Variants in DSCAM observed in about 807,000 individuals in gnomAD.
The protein encoded by DSCAM is DS cell adhesion molecule, also known as cell adhesion molecule DSCAM.
In DSCAM, 47 loss-of-function variants were observed where a neutral mutation model predicts 217.7. That is an observed-to-expected ratio of 0.22 (90% CI 0.17 to 0.28). DSCAM has a LOEUF of 0.28. DSCAM is among the 10% of genes least tolerant of loss of function. The pLI is 1.00. For synonymous variants in DSCAM, 1,056 were observed against 1,015.3 expected, an observed-to-expected ratio of 1.04 and a Z score of -0.76; for missense variants, 2,080 against 2,618.3, an observed-to-expected ratio of 0.79 and a Z score of 4.49.
intron 1 of DSCAM, among the ~76,000 whole-genome samples, chr21:40,736,370 C>T (rs991715925): frequency 6.6e-6 from 1 of 152,122 alleles, no homozygotes; most frequent in Non-Finnish European, 1.5e-5. Flanking sequence ...TCTTCTCTCT[C>T]CAAAAGTCAG....
chr21:40,498,041 G>T (rs1475402938), intron 3 of DSCAM, among the ~76,000 whole-genome samples: 3 of 152,120 alleles, frequency 2.0e-5, no homozygotes, highest in Non-Finnish European at 2.9e-5. Flanking sequence ...ATGGATTTTG[G>T]CATTAGATCT....
At chr21:40,168,773 A>C (rs1380505448) in intron 15 of DSCAM, among the ~76,000 whole-genome samples, 3 of 152,154 alleles carry the variant, frequency 2.0e-5, no homozygotes, top group Admixed American at 6.5e-5. Flanking sequence ...GGAAGTTCTG[A>C]GTAGTAGCAT....
intron 1 of DSCAM, among the ~76,000 whole-genome samples, chr21:40,806,584 GA>G (rs1225338408): frequency 2.6e-5 from 4 of 152,168 alleles, no homozygotes; most frequent in African/African-American, 9.7e-5. Flanking sequence ...AAAAAATTGT[GA>G]ATGCTACAAT....
chr21:40,544,268 C>T (rs1014365703), intron 3 of DSCAM, among the ~76,000 whole-genome samples: 2 of 152,170 alleles, frequency 1.3e-5, no homozygotes, highest in Non-Finnish European at 2.9e-5. Context: ...ATGCAAATCA[C>T]TTGGAAGAGT....
intron 32 of DSCAM, among the ~76,000 whole-genome samples, chr21:40,029,060 A>C (rs2088463949): frequency 6.6e-6 from 1 of 152,194 alleles, no homozygotes; most frequent in Non-Finnish European, 1.5e-5. Context: ...GACTATTCCC[A>C]TCTCTACAAA....
intron 3 of DSCAM, among the ~76,000 whole-genome samples, chr21:40,429,100 T>C (rs1280836672): frequency 6.6e-6 from 1 of 152,166 alleles, no homozygotes; most frequent in Non-Finnish European, 1.5e-5. Flanking sequence ...CTTAAAGTTG[T>C]ATCCAAATTT....
At chr21:40,135,787 G>A (rs1258955235) in intron 18 of DSCAM, among the ~76,000 whole-genome samples, 4 of 152,170 alleles carry the variant, frequency 2.6e-5, no homozygotes. Flanking sequence ...AACATCTTTT[G>A]TTCATCTTTT....
At chr21:40,403,938 C>T (rs541442512) in intron 3 of DSCAM, among the ~76,000 whole-genome samples, 3 of 152,152 alleles carry the variant, frequency 2.0e-5, no homozygotes, top group African/African-American at 7.2e-5. Flanking sequence ...AATCATTCAT[C>T]ATCATCATGA....
chr21:40,221,248 GCCA>G (rs1488199544), intron 11 of DSCAM, among the ~76,000 whole-genome samples: 1 of 151,842 alleles, frequency 6.6e-6, no homozygotes, highest in African/African-American at 2.4e-5. Context: ...TCCCACCCAT[GCCA>G]CCACCACACT....
chr21:40,409,098 T>G lies in DSCAM; in HGVS notation c.509-39853A>C, dbSNP rs926337645. ...AAAGAATAATTTAAATACCTAAGGG[T>G]GTATTTTCAAAACTGCTCCCAAATA... is the stretch of plus-strand genomic sequence containing the variant. On this transcript the variant is annotated intron_variant, in intron 3 of 32. Transcript: ENST00000400454. 3.3e-5 allele frequency among the ~76,000 whole-genome samples: 5 copies of G among 152,238 alleles called. No individual in the cohort carries two copies. The South Asian group carries it at 1.0e-3, about 32-fold the overall frequency.
chr21:40,687,135 A>G (rs547632685), intron 3 of DSCAM, among the ~76,000 whole-genome samples: 11 of 152,298 alleles, frequency 7.2e-5, no homozygotes, highest in African/African-American at 2.6e-4. Flanking sequence ...ATACATACAA[A>G]GACAGATAGC....
intron 1 of DSCAM, among the ~76,000 whole-genome samples, chr21:40,814,345 G>C (rs2091863639): frequency 6.6e-6 from 1 of 152,136 alleles, no homozygotes; most frequent in Non-Finnish European, 1.5e-5. Flanking sequence ...ATTCTTAATT[G>C]CTTACTATTG....
rs573597096 is a variant in DSCAM, at chr21:40,245,820, G to A, written c.2356+30277C>T. ...GCTTTCATACTTATCTAGCCAGGAG[G>A]AGGAACGGGGATGGTAGATTGCTGA... On this transcript the variant is annotated intron_variant, in intron 11 of 32. Transcript: ENST00000400454. 1.2e-4 allele frequency among the ~76,000 whole-genome samples: 18 copies of A among 152,288 alleles called. No homozygotes were observed. In the East Asian group the frequency reaches 3.5e-3, roughly 29 times the overall value.
chr21:40,183,366 A>G (rs1184758098), intron 14 of DSCAM, among the ~76,000 whole-genome samples: 2 of 152,312 alleles, frequency 1.3e-5, no homozygotes, highest in East Asian at 1.9e-4. Context: ...TGTAATTGCC[A>G]CCTATGGGAG....
intron 3 of DSCAM, among the ~76,000 whole-genome samples, chr21:40,614,936 T>C (rs773326578): frequency 6.6e-5 from 10 of 151,796 alleles, no homozygotes; most frequent in Non-Finnish European, 1.5e-4. Flanking sequence ...TATAAATATA[T>C]ATTTATGTTT....
intron 3 of DSCAM, among the ~76,000 whole-genome samples, chr21:40,416,135 T>C (rs2075369750): frequency 6.6e-6 from 1 of 152,176 alleles, no homozygotes. Flanking sequence ...GATCCCCTTT[T>C]TCTGGATTGG....
At chr21:40,603,294 T>A (rs2077076353) in intron 3 of DSCAM, among the ~76,000 whole-genome samples, 1 of 152,156 alleles carries the variant, frequency 6.6e-6, no homozygotes, top group Admixed American at 6.5e-5. Context: ...GAATGTGCAT[T>A]CTGCTGTTGT....
At chr21:40,674,867 C>T (rs1028657382) in intron 3 of DSCAM, among the ~76,000 whole-genome samples, 17 of 152,168 alleles carry the variant, frequency 1.1e-4, no homozygotes, top group African/African-American at 4.1e-4. Flanking sequence ...TCCTGATCCA[C>T]CCGCCTTGGC....
In DSCAM at chr21:40,350,762, G is replaced by C. The variant is rs377535998; in HGVS notation, c.934+2703C>G. Among the ~76,000 whole-genome samples, 6 of 151,990 alleles carry C rather than the reference G, an allele frequency of 3.9e-5. No homozygotes were observed. The East Asian group carries it at 1.2e-3, about 29-fold the overall frequency. On this transcript the variant is annotated intron_variant, in intron 5 of 32. Coordinates refer to ENST00000400454, the MANE Select transcript of DSCAM (RefSeq NM_001389.5). ...CACATGAATTAAGGCAGGGAGCAGG[G>C]GCATGTCTGAGAATTTCTGATTCAT... is the stretch of plus-strand genomic sequence containing the variant.
Sources: allele counts gnomAD v4.1 joint callset (sites outside exome capture counted in the v4.1 genomes callset), GRCh38; gene constraint gnomAD v4.1.1; transcripts MANE v1.5; gene names NCBI Gene and HGNC (gene_info 2026-07-23, HGNC 2026-07-21).